TCOF1: variants seen among roughly 807,000 people sequenced by gnomAD.
TCOF1 encodes the protein treacle ribosome biogenesis factor 1.
TCOF1 carries 33 observed loss-of-function variants against 149.0 expected under a neutral mutation model. That is an observed-to-expected ratio of 0.22 (90% CI 0.17 to 0.30). The LOEUF is 0.30. TCOF1 is among the 10% of genes least tolerant of loss of function. TCOF1 has a pLI of 1.00. For missense variants in TCOF1, 1,728 were observed against 1,840.7 expected, an observed-to-expected ratio of 0.94 and a Z score of 1.12; for synonymous variants, 789 against 738.8, an observed-to-expected ratio of 1.07 and a Z score of -1.10.
intron 19 of TCOF1, among the ~76,000 whole-genome samples, chr5:150,391,272 G>A (rs1445079283): frequency 6.6e-6 from 1 of 152,210 alleles, no homozygotes; most frequent in Non-Finnish European, 1.5e-5. Flanking sequence ...AGAGATGGGG[G>A]TCCACCAGGT....
Position 150,398,215 on chromosome 5 carries a change from C to T in TCOF1, c.4346-139C>T, listed in dbSNP as rs11167501. 112,333 of 1,550,872 alleles carry T rather than the reference C, an allele frequency of 0.072. 4,456 individuals are homozygous for T. The highest frequency in any genetic ancestry group is 0.12 in the African/African-American group (8,690 of 72,162). Reference sequence around the variant, plus strand: ...GGGATTGCAGGAATGAACCTCCACGCCCCGCCCTGCTGGCCTGTTGTGATG... The same window carrying T: ...GGGATTGCAGGAATGAACCTCCACGTCCCGCCCTGCTGGCCTGTTGTGATG... On this transcript the variant is annotated intron_variant, in intron 24 of 26. Transcript: ENST00000643257.
intron 23 of TCOF1, chr5:150,393,766 C>T: frequency 1.6e-6 from 1 of 643,282 alleles, no homozygotes; most frequent in South Asian, 1.9e-5. Context: ...ATAATCCCAG[C>T]ACTTTGGGAG....
chr5:150,383,670 A>T lies in TCOF1; in HGVS notation c.2859+3938A>T, dbSNP rs1369235564. ...CAGTTTCCCCAAATTCTCATGATTCATAAGAGGCTGAGGAAAGGTCCAAAC... is the reference window on the plus strand; with the variant it reads ...CAGTTTCCCCAAATTCTCATGATTCTTAAGAGGCTGAGGAAAGGTCCAAAC... On this transcript the variant is annotated intron_variant, in intron 17 of 26. Transcript: ENST00000643257. The T allele has an allele frequency of 4.0e-6, 6 of 1,486,490 alleles. No individual in the cohort carries two copies. In the East Asian group the frequency reaches 1.5e-4, roughly 37 times the overall value. The allele number at this position is 1,486,490 out of a possible 1,614,324, so 92.1% of individuals were successfully genotyped here. A position where few individuals can be genotyped will look rare whatever the true frequency, so the allele number is the denominator to read the frequency against.
At chr5:150,374,104 C>T in intron 7 of TCOF1, 70 bp from the exon 8 acceptor site, 1 of 1,523,928 alleles carries the variant, frequency 6.6e-7, no homozygotes, top group Non-Finnish European at 8.9e-7. Flanking sequence ...GGCCTCTGGA[C>T]TTTATCCTAA....
chr5:150,364,414 G>A (rs529349367), intron 3 of TCOF1, among the ~76,000 whole-genome samples, 162 bp downstream of exon 3: 62 of 152,288 alleles, frequency 4.1e-4, no homozygotes, highest in African/African-American at 1.4e-3. Context: ...CCCTTCCTCC[G>A]TGCCAGGCAT....
rs576768788 is a variant in TCOF1 at position 150,361,018 on chromosome 5, G to A, written c.109-138G>A. 399 of 1,029,432 alleles carry A rather than the reference G, an allele frequency of 3.9e-4. 1 individual carries two copies. Among genetic ancestry groups the A allele is most frequent in the Non-Finnish European group, 5.6e-4 (371 of 668,020 alleles). The allele number at this position is 1,029,432 out of a possible 1,614,324, so 63.8% of individuals were successfully genotyped here. A position where few individuals can be genotyped will look rare whatever the true frequency, so the allele number is the denominator to read the frequency against. On this transcript the variant is annotated intron_variant, in intron 1 of 26. Transcript: ENST00000643257. ...CCCAAAGTGCTGAGATTACAGGTATGAGCCACCATGCCCAGCCAAAAAGAC... is the reference window on the plus strand; with the variant it reads ...CCCAAAGTGCTGAGATTACAGGTATAAGCCACCATGCCCAGCCAAAAAGAC...
At chr5:150,364,737 G>A (rs1581043571) in intron 3 of TCOF1, among the ~76,000 whole-genome samples, 1 of 152,190 alleles carries the variant, frequency 6.6e-6, no homozygotes, top group East Asian at 1.9e-4. Context: ...GAGTAACTCA[G>A]TCAAAGCTTT....
chr5:150,385,822 C>G (rs568565060), intron 17 of TCOF1, among the ~76,000 whole-genome samples: 1 of 152,162 alleles, frequency 6.6e-6, no homozygotes, highest in East Asian at 1.9e-4. Context: ...TAGGGAGGTA[C>G]AACCAAATGT....
intron 4 of TCOF1, 125 bp from the exon 5 acceptor site, chr5:150,368,591 T>C: frequency 9.4e-7 from 1 of 1,064,606 alleles, no homozygotes. Context: ...GGAAACAGAT[T>C]GAAGGGGTAG....
chr5:150,370,144 G>T (rs1762208437), intron 6 of TCOF1, among the ~76,000 whole-genome samples: 1 of 152,178 alleles, frequency 6.6e-6, no homozygotes, highest in Non-Finnish European at 1.5e-5. Context: ...CTACTAAGTG[G>T]CAGACCTGGG....
At chr5:150,363,612 C>G (rs192707860) in intron 2 of TCOF1, among the ~76,000 whole-genome samples, 76 of 152,274 alleles carry the variant, frequency 5.0e-4, no homozygotes, top group African/African-American at 1.8e-3. Flanking sequence ...AGTAAAATAA[C>G]AGGAGATAGA....
chr5:150,377,349 C>G (rs1020838621), intron 14 of TCOF1, among the ~76,000 whole-genome samples: 6 of 152,168 alleles, frequency 3.9e-5, no homozygotes, highest in Admixed American at 2.6e-4. Flanking sequence ...TGAGATCTCA[C>G]CTGCTACACC....
intron 6 of TCOF1, among the ~76,000 whole-genome samples, 186 bp from the exon 7 acceptor site, chr5:150,371,820 T>G (rs1183453576): frequency 6.6e-6 from 1 of 152,220 alleles, no homozygotes; most frequent in Admixed American, 6.5e-5. Flanking sequence ...ATGAGTGATT[T>G]TACCTCTTTA....
chr5:150,391,738 C>A, intron 20 of TCOF1, 81 bp downstream of exon 20: 1 of 1,356,900 alleles, frequency 7.4e-7, no homozygotes, highest in South Asian at 1.2e-5. Context: ...CACCAGCACT[C>A]ATCTGCCCCA....
At chr5:150,379,480 C>T in intron 16 of TCOF1, 52 bp from the exon 17 acceptor site, 1 of 1,614,098 alleles carries the variant, frequency 6.2e-7, no homozygotes, top group Non-Finnish European at 8.5e-7. Flanking sequence ...CTCCTGTCTT[C>T]TCACACGTCC....
Position 150,374,651 on chromosome 5 carries a change from C to T in TCOF1, c.1118C>T (p.Ala373Val). Residue 373 changes from alanine to valine, a missense_variant, in exon 9 of 27, where the codon GCT becomes GTT. Ala to Val is a moderately conservative substitution (Grantham distance 64). Transcript: ENST00000643257. ...KASGKTSQVGAASAPAKESPR... is the reference protein window; with the variant it reads ...KASGKTSQVGVASAPAKESPR... ...TCAGGAAAAACCTCTCAGGTCGGAG[C>T]TGCCTCAGCCCCTGCCAAGGAGTCC... The T allele has an allele frequency of 6.2e-7, 1 of 1,613,786 alleles. No individual in the cohort carries two copies. The highest frequency in any genetic ancestry group is 8.5e-7 in the Non-Finnish European group (1 of 1,179,980).
chr5:150,363,332 C>G (rs190348634), intron 2 of TCOF1, among the ~76,000 whole-genome samples: 1 of 152,310 alleles, frequency 6.6e-6, no homozygotes, highest in African/African-American at 2.4e-5. Context: ...CATCCCAAAC[C>G]ATGACAGAGC....
rs773829651 is a variant in TCOF1 at position 150,391,957 on chromosome 5, G to T, written c.3298G>T (p.Val1100Phe). Reference protein sequence around the residue: ...PVARTQPSSGVDSAVGTLPAT... With the variant: ...PVARTQPSSGFDSAVGTLPAT... The stretch of plus-strand genomic sequence containing the variant: ...ATTCCTTCTCCTTTCACCGAATTAG[G>T]TTGACAGTGCTGTGGGAACACTCCC... The change falls in exon 21 of 27, where the codon GTT becomes TTT. Residue 1100 changes from valine to phenylalanine, a missense_variant and splice_region_variant. Around this residue, in one of 2 missense-constraint regions of TCOF1, gnomAD observed 1,696 missense variants for 1,765.4 expected, o/e 0.96. Transcript: ENST00000643257. 1 of 1,614,088 alleles carries T rather than the reference G, an allele frequency of 6.2e-7. No individual in the cohort carries two copies.
chr5:150,375,492 A>T lies in TCOF1; in HGVS notation c.1642A>T (p.Ser548Cys). 6.2e-7 allele frequency: 1 copy of T among 1,614,212 alleles called. No homozygotes were observed. The highest frequency in any genetic ancestry group is 8.5e-7 in the Non-Finnish European group (1 of 1,180,030). The change falls in exon 11 of 27, where the codon AGT (serine) becomes TGT (cysteine). Residue 548 changes from serine to cysteine, a missense_variant. Ser to Cys is a moderately radical substitution (Grantham distance 112, BLOSUM62 -1). Around this residue, in one of 2 missense-constraint regions of TCOF1, gnomAD observed 1,696 missense variants for 1,765.4 expected, o/e 0.96. Transcript: ENST00000643257. Reference protein sequence around the residue: ...VGKWEEDSESSSEESSDSSDG... With the variant: ...VGKWEEDSESCSEESSDSSDG... ...GAAGTGGGAGGAGGACTCAGAGAGC[A>T]GTAGTGAGGAGTCATCAGACAGCAG...
Sources: gnomAD v4.1 joint callset for allele counts (sites outside exome capture counted in the v4.1 genomes callset) on GRCh38, gnomAD v4.1.1 for gene constraint, gnomAD v4.1.1 regional missense constraint, MANE v1.5 for transcripts, NCBI Gene and HGNC (gene_info 2026-07-23, HGNC 2026-07-21) for gene names.